The following NUP210L variants were observed in gnomAD, a reference collection of about 807,000 sequenced individuals.
NUP210L encodes the protein nuclear pore membrane glycoprotein 210-like.
NUP210L carries 74 observed loss-of-function variants against 208.5 expected under a neutral mutation model. The observed-to-expected ratio is 0.35, with a 90% confidence interval of 0.29 to 0.43. The LOEUF (loss-of-function observed/expected upper bound fraction) is 0.43. Ranked by LOEUF, NUP210L falls within the 20% of genes least tolerant of loss-of-function variation. The pLI, the probability that NUP210L is intolerant of heterozygous loss-of-function variation, is 1.00. For missense variants in NUP210L, 1,843 were observed against 2,289.4 expected, an observed-to-expected ratio of 0.81 and a Z score of 3.98; for synonymous variants, 780 against 816.9, an observed-to-expected ratio of 0.95 and a Z score of 0.77.
At chr1:154,080,229 G>A (rs1361304481) in intron 16 of NUP210L, among the ~76,000 whole-genome samples, 2 of 151,724 alleles carry the variant, frequency 1.3e-5, no homozygotes, top group East Asian at 1.9e-4. Context: ...GCATTGTGGC[G>A]CATGCCTGTA....
chr1:154,132,539 A>T (rs1450059536), intron 7 of NUP210L, among the ~76,000 whole-genome samples: 3 of 152,180 alleles, frequency 2.0e-5, no homozygotes, highest in Admixed American at 2.0e-4. Context: ...GTGCTGGGAC[A>T]TATTATGAAT....
rs777471276 is a variant in NUP210L at position 154,046,382 on chromosome 1, G to A, written c.3484-13C>T. ...TCTGTACTTCATCCTGCTCAACAGGGTGGAGAGCAAGCTTAGGCTAAGAGG... is the reference window on the plus strand; with the variant it reads ...TCTGTACTTCATCCTGCTCAACAGGATGGAGAGCAAGCTTAGGCTAAGAGG... On this transcript the variant is annotated splice_polypyrimidine_tract_variant and intron_variant, in intron 25 of 39. Transcript: ENST00000368559. The A allele has an allele frequency of 1.9e-6, 3 of 1,610,832 alleles. No homozygotes were observed. The highest frequency in any genetic ancestry group is 2.5e-6 in the Non-Finnish European group (3 of 1,177,376).
chr1:154,007,996 C>A (rs1405832596), intron 35 of NUP210L, among the ~76,000 whole-genome samples: 1 of 150,390 alleles, frequency 6.6e-6, no homozygotes, highest in African/African-American at 2.5e-5. Context: ...CTCAGCCTCC[C>A]GAGTAGCTGG....
chr1:154,001,759 C>T (rs1650226126), exon 36 of NUP210L: 1 of 1,614,100 alleles, frequency 6.2e-7, no homozygotes. Flanking sequence ...GAACTCTGTC[C>T]ACTCCCAGTA....
At chr1:154,123,279 G>A (rs1382568417) in intron 10 of NUP210L, among the ~76,000 whole-genome samples, 5 of 152,000 alleles carry the variant, frequency 3.3e-5, no homozygotes, top group East Asian at 1.9e-4. Context: ...CCGAGTATCC[G>A]GGATTATAGG....
intron 37 of NUP210L, among the ~76,000 whole-genome samples, chr1:153,997,720 T>C (rs1571146805): frequency 7.4e-6 from 1 of 135,744 alleles, no homozygotes; most frequent in East Asian, 2.3e-4. Flanking sequence ...TGAGACAGAG[T>C]CTTGCTCTGT....
At chr1:154,104,346 AC>A in intron 12 of NUP210L, 136 bp from the exon 13 acceptor site, 1 of 677,740 alleles carries the variant, frequency 1.5e-6, no homozygotes, top group Non-Finnish European at 2.6e-6. Flanking sequence ...GACTATCCAT[AC>A]AAGAAGTCAC....
intron 16 of NUP210L, among the ~76,000 whole-genome samples, chr1:154,074,398 T>G (rs1418480369): frequency 6.6e-6 from 1 of 151,984 alleles, no homozygotes; most frequent in African/African-American, 2.4e-5. Flanking sequence ...TCTTCCTTCC[T>G]CAATTTATTT....
At chr1:153,993,974 TG>T (rs1487295388) in intron 38 of NUP210L, among the ~76,000 whole-genome samples, 1 of 152,182 alleles carries the variant, frequency 6.6e-6, no homozygotes, top group East Asian at 1.9e-4. Flanking sequence ...TTGAATTCCC[TG>T]TCTCAAGAAA....
At chr1:154,062,975 G>T (rs1226040303) in intron 17 of NUP210L, among the ~76,000 whole-genome samples, 1 of 152,150 alleles carries the variant, frequency 6.6e-6, no homozygotes, top group East Asian at 1.9e-4. Flanking sequence ...CTAAATCTGT[G>T]AGGCAGTTTC....
intron 16 of NUP210L, among the ~76,000 whole-genome samples, chr1:154,071,218 G>T (rs193073223): frequency 1.4e-3 from 212 of 151,494 alleles, no homozygotes; most frequent in African/African-American, 4.7e-3. Flanking sequence ...CAATTCAGTC[G>T]CCTGAGTAGC....
In NUP210L at chr1:154,090,539, G is replaced by A. The variant is rs115031653; in HGVS notation, c.2188-945C>T. Among the ~76,000 whole-genome samples the A allele has an allele frequency of 4.4e-3, 663 of 152,104 alleles. 1 individual carries two copies. The highest frequency in any genetic ancestry group is 0.015 in the African/African-American group (640 of 41,544). On this transcript the variant is annotated intron_variant, in intron 15 of 39. Transcript: ENST00000368559. The stretch of plus-strand genomic sequence containing the variant: ...CAAAAAATGGGCAAAGGCCCAGTGC[G>A]GTGGCTCACACCTGTAATCCCAGCA...
rs1653976463 is a variant in NUP210L, at chr1:154,058,292, G to A, written c.2980-76C>T. ...GGCAGTCTAACTCTTAGAGGGCAGT[G>A]TACTTTTTTTTTCTTTCATGCTAAA... On this transcript the variant is annotated intron_variant, in intron 21 of 39. Transcript: ENST00000368559. The A allele has an allele frequency of 8.1e-6, 12 of 1,489,808 alleles. No homozygotes were observed. In the South Asian group the frequency reaches 1.3e-4, roughly 17 times the overall value. The allele number at this position is 1,489,808 out of a possible 1,614,324, so 92.3% of individuals were successfully genotyped here. A position where few individuals can be genotyped will look rare whatever the true frequency, so the allele number is the denominator to read the frequency against.
intron 16 of NUP210L, among the ~76,000 whole-genome samples, chr1:154,083,179 C>T (rs1269750877): frequency 6.6e-6 from 1 of 152,140 alleles, no homozygotes; most frequent in African/African-American, 2.4e-5. Context: ...TTGGCCCCGC[C>T]CACATCCTGC....
At chr1:154,090,597 G>C (rs921442250) in intron 15 of NUP210L, among the ~76,000 whole-genome samples, 2 of 152,128 alleles carry the variant, frequency 1.3e-5, no homozygotes, top group South Asian at 2.1e-4. Context: ...GATCACCTGA[G>C]GTCAGGAGTT....
intron 14 of NUP210L, among the ~76,000 whole-genome samples, chr1:154,099,122 C>A (rs1656326759): frequency 1.3e-5 from 2 of 152,160 alleles, no homozygotes; most frequent in African/African-American, 4.8e-5. Context: ...CGGGAGTGTG[C>A]AGAAGGGGCC....
intron 35 of NUP210L, 112 bp from the exon 36 acceptor site, chr1:154,002,097 T>C: frequency 8.7e-7 from 1 of 1,144,354 alleles, no homozygotes; most frequent in Non-Finnish European, 1.2e-6. Context: ...AAAGAGAAAA[T>C]GTGAATTTAG....
chr1:154,113,129 C>A (rs1657124729), intron 12 of NUP210L, among the ~76,000 whole-genome samples: 1 of 145,806 alleles, frequency 6.9e-6, no homozygotes, highest in Admixed American at 7.1e-5. Context: ...TGCACTCCAG[C>A]CGGGGTGATG....
chr1:153,996,161 A>G (rs924629861), intron 37 of NUP210L, among the ~76,000 whole-genome samples: 9 of 151,968 alleles, frequency 5.9e-5, no homozygotes, highest in Non-Finnish European at 1.2e-4. Flanking sequence ...GTGTGGTGGC[A>G]TGCACCTGTA....
Sources: gnomAD v4.1 joint callset for allele counts (sites outside exome capture counted in the v4.1 genomes callset) on GRCh38, gnomAD v4.1.1 for gene constraint, MANE v1.5 for transcripts, NCBI Gene and HGNC (gene_info 2026-07-23, HGNC 2026-07-21) for gene names.